KDM6A: variants seen among roughly 807,000 people sequenced by gnomAD.
KDM6A encodes the protein lysine-specific demethylase 6A.
KDM6A carries 11 observed loss-of-function variants against 117.6 expected under a neutral mutation model. The observed-to-expected ratio is 0.09, with a 90% CI of 0.06 to 0.15. KDM6A has a LOEUF of 0.15. Among genes scored for constraint, KDM6A ranks in the 10% least tolerant of loss-of-function variants. The pLI, the probability that KDM6A is intolerant of heterozygous loss-of-function variation, is 1.00. For synonymous variants in KDM6A, 384 were observed against 396.1 expected (o/e 0.97, Z 0.36); for missense variants, 799 against 1,077.3 (o/e 0.74, Z 3.62).
chrX:44,914,713 A>G (rs915792992), intron 2 of KDM6A, among the ~76,000 whole-genome samples: 3 of 110,717 alleles, frequency 2.7e-5, no homozygotes, highest in African/African-American at 9.9e-5. Flanking sequence ...TTACTTTTGG[A>G]AAAGAACCAG....
chrX:45,040,909 C>T (rs1422323533), intron 8 of KDM6A, among the ~76,000 whole-genome samples: 111 of 53,334 alleles, frequency 2.1e-3, no homozygotes, highest in South Asian at 5.4e-3. Flanking sequence ...GGCGGCTGGC[C>T]GGGCAGAGGG....
intron 4 of KDM6A, among the ~76,000 whole-genome samples, chrX:44,998,631 G>A (rs1438249626): frequency 9.0e-6 from 1 of 111,084 alleles, no homozygotes; most frequent in Non-Finnish European, 1.9e-5. Context: ...GGTAGACAAA[G>A]GTACTCAGAG....
chrX:44,873,755 G>C (rs749738661), intron 1 of KDM6A, 43 bp downstream of exon 1: 2 of 1,156,650 alleles, frequency 1.7e-6, no homozygotes, highest in Non-Finnish European at 2.3e-6. Flanking sequence ...CGGACGGGCA[G>C]TAGCCGCTCT....
At chrX:44,981,807 C>T (rs2039926204) in intron 4 of KDM6A, among the ~76,000 whole-genome samples, 2 of 111,586 alleles carry the variant, frequency 1.8e-5, no homozygotes, top group South Asian at 3.8e-4. Flanking sequence ...CAGGGCTGGG[C>T]GCAGTAGCTC....
intron 3 of KDM6A, among the ~76,000 whole-genome samples, chrX:44,971,302 C>T (rs898943405): frequency 4.5e-5 from 5 of 111,744 alleles, no homozygotes; most frequent in African/African-American, 1.6e-4. Context: ...CATAGTCTAA[C>T]GTCCTTCCAG....
At chrX:44,973,859 AT>A (rs1422232779) in intron 3 of KDM6A, among the ~76,000 whole-genome samples, 7 of 110,163 alleles carry the variant, frequency 6.4e-5, no homozygotes, top group African/African-American at 2.0e-4. Flanking sequence ...ACCGAATTTA[AT>A]TTTTTTTAGA....
intron 8 of KDM6A, among the ~76,000 whole-genome samples, chrX:45,040,521 A>G (rs1379373501): frequency 2.0e-4 from 11 of 55,065 alleles, no homozygotes; most frequent in African/African-American, 7.9e-4. Flanking sequence ...TCCCTCCCGG[A>G]CGGGGCGGCT....
intron 28 of KDM6A, among the ~76,000 whole-genome samples, chrX:45,109,189 A>C (rs1165339926): frequency 9.1e-6 from 1 of 110,109 alleles, no homozygotes; most frequent in Admixed American, 9.7e-5. Flanking sequence ...GTAAAAAAAA[A>C]AAAGTTATTT....
intron 2 of KDM6A, among the ~76,000 whole-genome samples, chrX:44,912,518 A>G (rs2035275294): frequency 8.9e-6 from 1 of 112,318 alleles, no homozygotes; most frequent in Admixed American, 9.4e-5. Flanking sequence ...TCCTTTTTCC[A>G]TAAAACACTA....
chrX:44,943,078 T>TA (rs1230867381), intron 2 of KDM6A, among the ~76,000 whole-genome samples: 1 of 111,677 alleles, frequency 9.0e-6, no homozygotes, highest in Non-Finnish European at 1.9e-5. Flanking sequence ...AGCACATTGT[T>TA]ACTATTTTTT....
At chrX:44,998,441 T>C (rs1189180997) in intron 4 of KDM6A, among the ~76,000 whole-genome samples, 1 of 112,076 alleles carries the variant, frequency 8.9e-6, no homozygotes, top group Non-Finnish European at 1.9e-5. Context: ...TTAAGATTCA[T>C]GTAATTTCAG....
At chrX:45,038,183 A>G (rs781703178) in intron 8 of KDM6A, among the ~76,000 whole-genome samples, 1 of 111,597 alleles carries the variant, frequency 9.0e-6, no homozygotes, top group East Asian at 2.8e-4. Context: ...AGATCTCGCC[A>G]CTGCACTCTA....
chrX:44,980,811 C>T (rs973110542), intron 4 of KDM6A, among the ~76,000 whole-genome samples: 7 of 108,409 alleles, frequency 6.5e-5, no homozygotes, highest in Admixed American at 3.0e-4. Flanking sequence ...CCTTGTTCAA[C>T]TGGCTAGGAC....
At chrX:45,069,274 C>T (rs756443336) in intron 17 of KDM6A, among the ~76,000 whole-genome samples, 2 of 111,375 alleles carry the variant, frequency 1.8e-5, no homozygotes, top group South Asian at 7.4e-4. Flanking sequence ...TATGTCTATC[C>T]ATGTCTGATT....
chrX:44,926,462 G>A (rs1325383451), intron 2 of KDM6A, among the ~76,000 whole-genome samples: 1 of 111,437 alleles, frequency 9.0e-6, no homozygotes, highest in Admixed American at 9.6e-5. Flanking sequence ...CATATATTTA[G>A]TAAGCCTACT....
chrX:45,069,513 A>G (rs2044715288), intron 17 of KDM6A, 66 bp from the exon 18 acceptor site: 2 of 990,916 alleles, frequency 2.0e-6, no homozygotes, highest in African/African-American at 1.9e-5. Flanking sequence ...TCTCTTTAAT[A>G]TTTTAAATTC....
intron 2 of KDM6A, among the ~76,000 whole-genome samples, chrX:44,892,569 G>A (rs1369445136): frequency 9.0e-6 from 1 of 111,304 alleles, no homozygotes; most frequent in Non-Finnish European, 1.9e-5. Flanking sequence ...GCCGGCGCTT[G>A]TAGTCCCAGC....
chrX:44,876,958 C>T (rs193301495), intron 2 of KDM6A, among the ~76,000 whole-genome samples: 4,266 of 89,253 alleles, frequency 0.048, 212 homozygotes, highest in African/African-American at 0.26. Context: ...TACGTATATA[C>T]GCACGTATAT....
At chrX:44,971,171 C>G (rs567291498) in intron 3 of KDM6A, among the ~76,000 whole-genome samples, 10 of 111,561 alleles carry the variant, frequency 9.0e-5, no homozygotes, top group African/African-American at 2.6e-4. Context: ...ATTTGGTTTG[C>G]TTTTCTTTTT....
Sources: gnomAD v4.1 joint callset for allele counts (sites outside exome capture counted in the v4.1 genomes callset) on GRCh38, gnomAD v4.1.1 for gene constraint, MANE v1.5 for transcripts, NCBI Gene and HGNC (gene_info 2026-07-23, HGNC 2026-07-21) for gene names.